The following SWT1 variants were observed in gnomAD, a reference collection of about 807,000 sequenced individuals.
SWT1 encodes SWT1 RNA endoribonuclease homolog.
SWT1 carries 33 observed loss-of-function variants against 107.3 expected under a neutral mutation model. The observed-to-expected ratio is 0.31, with a 90% confidence interval of 0.23 to 0.41. The LOEUF is 0.41. Ranked by LOEUF, SWT1 falls within the 10% of genes least tolerant of loss-of-function variation. SWT1 has a pLI of 1.00. For synonymous variants in SWT1, 345 were observed against 348.3 expected, an observed-to-expected ratio of 0.99 and a Z score of 0.11; for missense variants, 898 against 1,028.9, an observed-to-expected ratio of 0.87 and a Z score of 1.74.
intron 14 of SWT1, among the ~76,000 whole-genome samples, chr1:185,218,298 T>G (rs1285581875): frequency 6.6e-6 from 1 of 151,566 alleles, no homozygotes; most frequent in Non-Finnish European, 1.5e-5. Flanking sequence ...TAAACTAACT[T>G]TATCATTTTC....
rs768468454 is a variant in SWT1, at chr1:185,174,436, A to C, written c.289A>C (p.Ile97Leu). The C allele has an allele frequency of 3.1e-6, 5 of 1,602,722 alleles. No individual in the cohort carries two copies. The highest frequency in any genetic ancestry group is 1.8e-5 in the Admixed American group (1 of 56,728). ...PKIGSSSQRP[I>L]KLKEASYSND... The stretch of plus-strand genomic sequence containing the variant: ...AATCGGTTCTTCATCCCAAAGACCT[A>C]TTAAACTCAAAGAAGCATCATATTC... Residue 97 changes from isoleucine to leucine, a missense_variant, in exon 5 of 19, where the codon ATT becomes CTT. By Grantham distance (5) the Ile-to-Leu change is conservative. Transcript: ENST00000367500.
At chr1:185,278,942 T>A (rs1460961605) in intron 18 of SWT1, among the ~76,000 whole-genome samples, 14 of 152,232 alleles carry the variant, frequency 9.2e-5, no homozygotes, top group Non-Finnish European at 5.9e-5. Flanking sequence ...AGCTCCAGAC[T>A]GATAAATTTG....
intron 16 of SWT1, among the ~76,000 whole-genome samples, chr1:185,255,909 C>T (rs1429442747): frequency 3.4e-4 from 52 of 151,672 alleles, no homozygotes; most frequent in African/African-American, 6.3e-4. Context: ...GATTTTGCAG[C>T]GGCTGGTACC....
intron 10 of SWT1, among the ~76,000 whole-genome samples, chr1:185,200,801 T>C (rs1425599909): frequency 6.6e-6 from 1 of 152,212 alleles, no homozygotes; most frequent in African/African-American, 2.4e-5. Flanking sequence ...CACTGCTCTC[T>C]TCAGAGCCGG....
At chr1:185,165,102 C>A (rs1654459928) in intron 2 of SWT1, among the ~76,000 whole-genome samples, 1 of 152,026 alleles carries the variant, frequency 6.6e-6, no homozygotes, top group Admixed American at 6.6e-5. Flanking sequence ...AATAGAGAGG[C>A]CTGAGGAGAG....
intron 17 of SWT1, among the ~76,000 whole-genome samples, chr1:185,273,274 A>G (rs1266744628): frequency 6.6e-6 from 1 of 152,080 alleles, no homozygotes; most frequent in Non-Finnish European, 1.5e-5. Context: ...GAGTGGTGGC[A>G]TGGGCCTGCA....
intron 16 of SWT1, among the ~76,000 whole-genome samples, chr1:185,253,501 C>A (rs1204003387): frequency 6.8e-6 from 1 of 148,012 alleles, no homozygotes; most frequent in African/African-American, 2.5e-5. Context: ...TCCTTCACAT[C>A]CCTTGTAAGT....
intron 18 of SWT1, chr1:185,280,838 G>A: frequency 2.5e-6 from 1 of 404,066 alleles, no homozygotes; most frequent in South Asian, 1.9e-5. Context: ...GTTGGGGTGT[G>A]TTGTGATGCC....
intron 15 of SWT1, among the ~76,000 whole-genome samples, chr1:185,224,880 A>T (rs886276685): frequency 6.6e-6 from 1 of 152,148 alleles, no homozygotes; most frequent in Non-Finnish European, 1.5e-5. Context: ...AGAGTTTTCC[A>T]TATATACGAT....
chr1:185,224,136 T>A (rs936711745), intron 15 of SWT1, among the ~76,000 whole-genome samples: 2 of 152,200 alleles, frequency 1.3e-5, no homozygotes, highest in Non-Finnish European at 2.9e-5. Flanking sequence ...TTTGCATATA[T>A]TTTCTCCCAT....
chr1:185,194,975 C>A (rs183020879), intron 10 of SWT1, among the ~76,000 whole-genome samples: 226 of 152,018 alleles, frequency 1.5e-3, no homozygotes, highest in Admixed American at 5.2e-3. Flanking sequence ...GGTTTCTTTT[C>A]TTCAGTTTCT....
chr1:185,181,900 C>G lies in SWT1; in HGVS notation c.1027-46C>G, dbSNP rs778785403. On this transcript the variant is annotated intron_variant, in intron 6 of 18. Transcript: ENST00000367500. The stretch of plus-strand genomic sequence containing the variant: ...TTAATTGCTTTCCTCTCTTGTCAGT[C>G]TGCAAAGTAACTCAAAATATTTCAC... 3.7e-6 allele frequency: 6 copies of G among 1,606,344 alleles called. 1 individual carries two copies. In the South Asian group the frequency reaches 6.6e-5, roughly 18 times the overall value.
At chr1:185,266,310 C>T (rs188226773) in intron 16 of SWT1, among the ~76,000 whole-genome samples, 18 of 152,274 alleles carry the variant, frequency 1.2e-4, no homozygotes, top group South Asian at 2.1e-4. Flanking sequence ...GTGATCTGCC[C>T]GCCTTGGCCT....
In SWT1 at chr1:185,214,489, T is replaced by C. The variant is rs1659066851; in HGVS notation, c.1973-18T>C. ...ACTCATTCTTCCATATTTTTCTGTC[T>C]TAATTTTCTGTTACCAGCTAATAAG... On this transcript the variant is annotated intron_variant, in intron 13 of 18. Transcript: ENST00000367500. 1 of 1,587,690 alleles carries C rather than the reference T, an allele frequency of 6.3e-7. No homozygotes were observed. The highest frequency in any genetic ancestry group is 8.6e-7 in the Non-Finnish European group (1 of 1,167,310).
In SWT1 at chr1:185,259,316, G is replaced by A. The variant is rs540038615; in HGVS notation, c.2442-12007G>A. 2.0e-5 allele frequency among the ~76,000 whole-genome samples: 3 copies of A among 152,200 alleles called. No individual in the cohort carries two copies. The South Asian group carries it at 6.2e-4, about 32-fold the overall frequency. Reference sequence around the variant, plus strand: ...TTTGATATATTGCCATCTCTCATAGGAGTTAACATACAATCAGCAATCAAT... The same window carrying A: ...TTTGATATATTGCCATCTCTCATAGAAGTTAACATACAATCAGCAATCAAT... On this transcript the variant is annotated intron_variant, in intron 16 of 18. Transcript: ENST00000367500.
At chr1:185,206,020 G>A (rs995091613) in intron 12 of SWT1, among the ~76,000 whole-genome samples, 1 of 151,392 alleles carries the variant, frequency 6.6e-6, no homozygotes, top group African/African-American at 2.4e-5. Context: ...GTGCAGTCGC[G>A]TGATCTCGGC....
At chr1:185,193,012 C>G (rs529461865) in intron 10 of SWT1, among the ~76,000 whole-genome samples, 2 of 152,198 alleles carry the variant, frequency 1.3e-5, no homozygotes, top group Admixed American at 1.3e-4. Context: ...AAACTTAGAT[C>G]ACTTATTTGG....
intron 10 of SWT1, among the ~76,000 whole-genome samples, chr1:185,193,059 GTATCCC>G (rs1558029005): frequency 6.6e-6 from 1 of 152,082 alleles, no homozygotes; most frequent in Non-Finnish European, 1.5e-5. Flanking sequence ...TTCTGCAGTT[GTATCCC>G]ACAAATTTTA....
chr1:185,175,212 T>TG lies in SWT1; in HGVS notation c.966+99_966+100insG, dbSNP rs1553251844. On this transcript the variant is annotated intron_variant, in intron 5 of 18. Coordinates refer to ENST00000367500, the MANE Select transcript of SWT1 (RefSeq NM_017673.7). ...TCTATATTTTTTTCTGTTTTTTTTT[T>TG]TTTTTGTTGTTGTTTGTTTTTTGTT... 100 of 1,081,338 alleles carry TG rather than the reference T, an allele frequency of 9.2e-5. No individual in the cohort carries two copies. In the African/African-American group the frequency reaches 1.4e-3, roughly 15 times the overall value. 67.0% of individuals were successfully genotyped at this position (1,081,338 alleles called of 1,614,324 possible). A position where few individuals can be genotyped will look rare whatever the true frequency, so the allele number is the denominator to read the frequency against.
Sources: gnomAD v4.1 joint callset for allele counts (sites outside exome capture counted in the v4.1 genomes callset) on GRCh38, gnomAD v4.1.1 for gene constraint, MANE v1.5 for transcripts, NCBI Gene and HGNC (gene_info 2026-07-23, HGNC 2026-07-21) for gene names.